The following SMTNL1 variants were observed in gnomAD, a reference collection of about 807,000 sequenced individuals.
SMTNL1 encodes smoothelin-like protein 1.
Under a neutral mutation model 46.6 loss-of-function variants are expected in SMTNL1, and 41 were observed. The ratio of observed to expected loss-of-function variants is 0.88; its 90% CI spans 0.69 to 1.14. The LOEUF (loss-of-function observed/expected upper bound fraction) is 1.14, where lower values mean the gene tolerates loss of function less well. SMTNL1 is among the 50% of genes most tolerant of loss of function. The pLI is 0.00. For missense variants in SMTNL1, 591 were observed against 626.1 expected (o/e 0.94, Z 0.60); for synonymous variants, 234 against 234.2 (o/e 1.00, Z 0.01).
At chr11:57,549,570 T>A (rs548932978) in intron 7 of SMTNL1, among the ~76,000 whole-genome samples, 7 of 152,152 alleles carry the variant, frequency 4.6e-5, no homozygotes, top group Non-Finnish European at 8.8e-5. Context: ...TGAAAAGGTC[T>A]CACTAGGTTG....
intron 1 of SMTNL1, among the ~76,000 whole-genome samples, chr11:57,540,554 T>C (rs1459533770): frequency 2.0e-5 from 3 of 152,124 alleles, no homozygotes; most frequent in African/African-American, 7.2e-5. Context: ...CTGATCCAGA[T>C]GAACCCCATC....
At chr11:57,548,622 A>G (rs1374074409) in intron 7 of SMTNL1, among the ~76,000 whole-genome samples, 1 of 152,158 alleles carries the variant, frequency 6.6e-6, no homozygotes, top group Non-Finnish European at 1.5e-5. Flanking sequence ...GTGAGCCAAA[A>G]TCACGCCACT....
chr11:57,544,012 A>T, intron 4 of SMTNL1, 92 bp downstream of exon 4: 1 of 1,293,782 alleles, frequency 7.7e-7, no homozygotes, highest in South Asian at 1.3e-5. Flanking sequence ...TTCCCCCAGC[A>T]CCTGATTTCA....
chr11:57,540,113 A>G lies in SMTNL1; in HGVS notation c.-3+2471A>G, dbSNP rs77461366. 1.1e-4 allele frequency among the ~76,000 whole-genome samples: 17 copies of G among 150,210 alleles called. 1 individual carries two copies. The South Asian group carries it at 2.8e-3, about 24-fold the overall frequency. On this transcript the variant is annotated intron_variant, in intron 1 of 7. Coordinates refer to ENST00000527972, the MANE Select transcript of SMTNL1 (RefSeq NM_001105565.3). ...AAAAAGAAAAGAAAACAAAGGGAGG[A>G]AAAAAAAAAGTCATGGTCAAATAGG...
At chr11:57,539,197 A>C (rs1944854451) in intron 1 of SMTNL1, among the ~76,000 whole-genome samples, 1 of 152,094 alleles carries the variant, frequency 6.6e-6, no homozygotes, top group African/African-American at 2.4e-5. Flanking sequence ...AAAAAAATAA[A>C]AAACAAAAAA....
At chr11:57,538,988 G>C (rs1442197067) in intron 1 of SMTNL1, among the ~76,000 whole-genome samples, 1 of 152,128 alleles carries the variant, frequency 6.6e-6, no homozygotes, top group Non-Finnish European at 1.5e-5. Flanking sequence ...CGAGGTGTGT[G>C]TCCGTGTGCG....
Position 57,542,937 on chromosome 11 carries a change from G to A in SMTNL1, c.295G>A (p.Gly99Ser), listed in dbSNP as rs902044589. The change falls in exon 2 of 8, where the codon GGT (glycine) becomes AGT (serine). Residue 99 changes from glycine to serine, a missense_variant. Transcript: ENST00000527972. ...DAEAELKKEDGEKEETTVGSQ... is the reference protein window; with the variant it reads ...DAEAELKKEDSEKEETTVGSQ... The stretch of plus-strand genomic sequence containing the variant: ...TGAGGCTGAACTTAAAAAGGAGGAT[G>A]GTGAGAAGGAAGAGACCACTGTGGG... 1 of 1,604,276 alleles carries A rather than the reference G, an allele frequency of 6.2e-7. No homozygotes were observed. The highest frequency in any genetic ancestry group is 8.5e-7 in the Non-Finnish European group (1 of 1,175,310).
chr11:57,541,246 G>A (rs961926021), intron 1 of SMTNL1, among the ~76,000 whole-genome samples: 1 of 152,120 alleles, frequency 6.6e-6, no homozygotes, highest in Non-Finnish European at 1.5e-5. Context: ...AGGTGCCCTC[G>A]GTACTATCAC....
At position 57,545,879 on chromosome 11, in the gene SMTNL1, A is replaced by AC; in HGVS notation, c.918-2_918-1insC. 6.2e-7 allele frequency: 1 copy of AC among 1,611,868 alleles called. No individual in the cohort carries two copies. Among genetic ancestry groups the AC allele is most frequent in the Non-Finnish European group, 8.5e-7 (1 of 1,179,100 alleles). On this transcript the variant is annotated splice_acceptor_variant, in intron 4 of 7. Coordinates refer to ENST00000527972, the MANE Select transcript of SMTNL1 (RefSeq NM_001105565.3). LOFTEE classifies it high-confidence loss of function. ...CACACGTCTTTGGACTTCTCCATATAGTGAGTCTTCACCCAGCGACGTGCC... is the reference window on the plus strand; with the variant it reads ...CACACGTCTTTGGACTTCTCCATATACGTGAGTCTTCACCCAGCGACGTGCC...
Position 57,541,476 on chromosome 11 carries a change from C to T in SMTNL1, c.-2-1165C>T, listed in dbSNP as rs757071902. The T allele has an allele frequency of 4.4e-6, 6 of 1,366,374 alleles. No homozygotes were observed. The East Asian group carries it at 2.7e-4, about 62-fold the overall frequency. 84.6% of individuals were successfully genotyped at this position (1,366,374 alleles called of 1,614,324 possible). A position where few individuals can be genotyped will look rare whatever the true frequency, so the allele number is the denominator to read the frequency against. On this transcript the variant is annotated intron_variant, in intron 1 of 7. Transcript: ENST00000527972. Reference sequence around the variant, plus strand: ...GTATATACAGTACTTAAATAGGAAACTCCGAGTTAAGATGTCATAATCTAC... The same window carrying T: ...GTATATACAGTACTTAAATAGGAAATTCCGAGTTAAGATGTCATAATCTAC...
rs374292312 is a variant in SMTNL1 at position 57,542,684 on chromosome 11, C to T, written c.42C>T (p.Thr14=). The change falls in exon 2 of 8, where the codon ACC becomes ACT. Residue 14 remains threonine (T), a synonymous_variant. Coordinates refer to ENST00000527972, the MANE Select transcript of SMTNL1 (RefSeq NM_001105565.3). The part of the protein sequence containing the change: ...KEGKLSEDGT[T]VSPAADNPEM... ...GGAAGCTCTCTGAGGATGGGACCACCGTCTCCCCAGCTGCGGACAACCCTG... is the reference window on the plus strand; with the variant it reads ...GGAAGCTCTCTGAGGATGGGACCACTGTCTCCCCAGCTGCGGACAACCCTG... The T allele has an allele frequency of 9.8e-5, 158 of 1,613,072 alleles. No individual in the cohort carries two copies. Among genetic ancestry groups the T allele is most frequent in the Admixed American group, 4.5e-4 (27 of 59,902 alleles).
intron 4 of SMTNL1, 76 bp from the exon 5 acceptor site, chr11:57,545,805 G>T: frequency 2.7e-6 from 2 of 729,924 alleles, no homozygotes; most frequent in Non-Finnish European, 4.4e-6. Context: ...CCACCCTCCA[G>T]CCCCACAGCC....
rs570745300 is a variant in SMTNL1 at position 57,550,173 on chromosome 11, G to A, written c.*61G>A. 2.4e-4 allele frequency: 376 copies of A among 1,535,222 alleles called. 6 individuals carry two copies. In the South Asian group the frequency reaches 3.6e-3, roughly 15 times the overall value. ...GTGCCCAGCTCAGCAGCCACGGCCC[G>A]GGGGTTCCCTTCTGCTCCATGGAGG... On this transcript the variant is annotated 3_prime_UTR_variant, in exon 8 of 8. Transcript: ENST00000527972.
At position 57,545,979 on chromosome 11, in the gene SMTNL1, C is replaced by T. The variant is rs1409181546; in HGVS notation, c.1016C>T (p.Ala339Val). The change falls in exon 5 of 8, where the codon GCT becomes GTT. Residue 339 changes from alanine (A) to valine (V), a missense_variant. Coordinates refer to ENST00000527972, the MANE Select transcript of SMTNL1 (RefSeq NM_001105565.3). ...CCAGAGCGCAGGGTATCAGCCCCTG[C>T]TCGGCCCCGGGGGCCCCGGGCACAG... Reference protein sequence around the residue: ...KAPERRVSAPARPRGPRAQNR... With the variant: ...KAPERRVSAPVRPRGPRAQNR... 6.2e-7 allele frequency: 1 copy of T among 1,609,464 alleles called. No homozygotes were observed. The highest frequency in any genetic ancestry group is 1.3e-5 in the African/African-American group (1 of 74,650).
rs1944925888 is a variant in SMTNL1, at chr11:57,546,622, A to G, written c.1310A>G (p.His437Arg). The G allele has an allele frequency of 6.2e-7, 1 of 1,613,828 alleles. No homozygotes were observed. Among genetic ancestry groups the G allele is most frequent in the Admixed American group, 1.7e-5 (1 of 59,992 alleles). Reference sequence around the variant, plus strand: ...GAGCTGGATCCCGCAAAGCGCCGGCACAACTTCACCCTGGCCTTCTCCACA... The same window carrying G: ...GAGCTGGATCCCGCAAAGCGCCGGCGCAACTTCACCCTGGCCTTCTCCACA... ...YAELDPAKRR[H>R]NFTLAFSTAE... The change falls in exon 7 of 8, where the codon CAC becomes CGC. Residue 437 changes from histidine (H) to arginine (R), a missense_variant. Physicochemically the swap from His to Arg is conservative, Grantham distance 29. Coordinates refer to ENST00000527972, the MANE Select transcript of SMTNL1 (RefSeq NM_001105565.3).
In SMTNL1 at chr11:57,543,370, AG is replaced by A. The variant is rs776100622; in HGVS notation, c.730del (p.Ala244GlnfsTer24). 1.2e-6 allele frequency: 2 copies of A among 1,612,852 alleles called. No homozygotes were observed. The highest frequency in any genetic ancestry group is 1.7e-6 in the Non-Finnish European group (2 of 1,179,162). On this transcript the variant is annotated frameshift_variant, in exon 2 of 8. Transcript: ENST00000527972. LOFTEE classifies it high-confidence loss of function. ...DAKEEAEDAEEAEPGSPSEEQ... is the reference protein window; with the variant it reads ...DAKEEAEDAEXAEPGSPSEEQ... The stretch of plus-strand genomic sequence containing the variant: ...AAAGAGGAGGCGGAGGATGCAGAGG[AG>A]GCAGTGAGTGAGGCAGGAAAGGAGC...
rs367688633 is a variant in SMTNL1, at chr11:57,543,702, T to G, written c.811T>G (p.Ser271Ala). 1 of 1,583,306 alleles carries G rather than the reference T, an allele frequency of 6.3e-7. No individual in the cohort carries two copies. Among genetic ancestry groups the G allele is most frequent in the South Asian group, 1.2e-5 (1 of 86,462 alleles). Residue 271 changes from serine to alanine, a missense_variant, in exon 3 of 8, where the codon TCC becomes GCC. By Grantham distance (99) the Ser-to-Ala change is moderately conservative. Coordinates refer to ENST00000527972, the MANE Select transcript of SMTNL1 (RefSeq NM_001105565.3). ...GGGAGGGGCAGGGGTGATTCCCAGC[T>G]CCCCAGAGGAGTGGCCTGAGAGCCC... ...PEGGAGVIPS[S>A]PEEWPESPTG... is the part of the protein sequence containing the mutation.
intron 4 of SMTNL1, among the ~76,000 whole-genome samples, chr11:57,544,670 G>A (rs567163243): frequency 2.6e-5 from 4 of 152,266 alleles, no homozygotes; most frequent in Admixed American, 1.3e-4. Flanking sequence ...TATCTACCTC[G>A]TAGGATTATT....
At position 57,550,100 on chromosome 11, in the gene SMTNL1, C is replaced by G; in HGVS notation, c.1473C>G (p.Thr491=). ...TTGTGCAGAAAGGACTGGTGAAGAC[C>G]AAGAAGAAGTGAGGAGGTGACTGGC... ...RSLVQKGLVK[T]KKK The change falls in exon 8 of 8, where the codon ACC becomes ACG. Residue 491 remains threonine (T), a synonymous_variant. Transcript: ENST00000527972. 2 of 1,612,886 alleles carry G rather than the reference C, an allele frequency of 1.2e-6. No individual in the cohort carries two copies. The highest frequency in any genetic ancestry group is 2.2e-5 in the South Asian group (2 of 90,866).
Sources: allele counts gnomAD v4.1 joint callset (sites outside exome capture counted in the v4.1 genomes callset), GRCh38; gene constraint gnomAD v4.1.1; transcripts MANE v1.5; gene names NCBI Gene and HGNC (gene_info 2026-07-23, HGNC 2026-07-21).